The following ABCC4 variants were observed in gnomAD, a reference collection of about 807,000 sequenced individuals.
The protein encoded by ABCC4 is ATP-binding cassette sub-family C member 4.
In ABCC4, 102 loss-of-function variants were observed where a neutral mutation model predicts 168.5. The observed-to-expected ratio is 0.61, with a 90% CI of 0.52 to 0.71. The LOEUF (loss-of-function observed/expected upper bound fraction) is 0.71, where lower values mean the gene tolerates loss of function less well. Ranked by LOEUF, ABCC4 falls within the 30% of genes least tolerant of loss-of-function variation. The pLI is 0.00. For missense variants in ABCC4, 1,402 were observed against 1,605.8 expected (o/e 0.87, Z 2.17); for synonymous variants, 617 against 590.7 (o/e 1.04, Z -0.65).
intron 19 of ABCC4, among the ~76,000 whole-genome samples, chr13:95,131,128 G>T (rs2035943827): frequency 6.6e-6 from 1 of 152,030 alleles, no homozygotes; most frequent in African/African-American, 2.4e-5. Context: ...TTTACTACTT[G>T]AAAAAGACTT....
chr13:95,203,751 C>G (rs114764315), intron 8 of ABCC4, among the ~76,000 whole-genome samples: 289 of 152,174 alleles, frequency 1.9e-3, no homozygotes, highest in African/African-American at 6.5e-3. Context: ...GAGGGACACA[C>G]ATAACGAGGC....
chr13:95,054,021 CTTTT>C (rs55980425), intron 26 of ABCC4: 1 of 71,632 alleles, frequency 1.4e-5, no homozygotes, highest in African/African-American at 7.3e-5. Context: ...ATGGGACATC[CTTTT>C]TTTTTTTTTT....
In ABCC4 at chr13:95,164,455, C is replaced by T; in HGVS notation, c.2098G>A (p.Ala700Thr). ...CCAGCTCTGAAGTAATTCTTATAGG[C>T]CTGAAAACCAACTTTTCCTTCAGAA... The part of the protein sequence containing the change: ...NRSEGKVGFQ[A>T]YKNYFRAGAH... The change falls in exon 16 of 31, where the codon GCC becomes ACC. Residue 700 changes from alanine to threonine, a missense_variant. By Grantham distance (58) the Ala-to-Thr change is moderately conservative. Around this residue, in one of 3 missense-constraint regions of ABCC4, gnomAD observed 1,007 missense variants for 1,127.3 expected, o/e 0.89. Coordinates refer to ENST00000645237, the MANE Select transcript of ABCC4 (RefSeq NM_005845.5). 6.2e-7 allele frequency: 1 copy of T among 1,614,132 alleles called. No individual in the cohort carries two copies.
intron 1 of ABCC4, among the ~76,000 whole-genome samples, chr13:95,278,821 A>C (rs1280035522): frequency 2.0e-5 from 3 of 150,398 alleles, no homozygotes; most frequent in Admixed American, 1.3e-4. Flanking sequence ...AAAAAAAAAA[A>C]AAAAAAAAAA....
chr13:95,165,108 T>A (rs1225469232), intron 15 of ABCC4, among the ~76,000 whole-genome samples: 1 of 152,176 alleles, frequency 6.6e-6, no homozygotes, highest in Non-Finnish European at 1.5e-5. Flanking sequence ...CATCAGGATG[T>A]TCAGCACTTA....
At chr13:95,266,935 T>C (rs1287953400) in intron 1 of ABCC4, among the ~76,000 whole-genome samples, 1 of 143,638 alleles carries the variant, frequency 7.0e-6, no homozygotes, top group Non-Finnish European at 1.5e-5. Context: ...AATGGTGCCA[T>C]CTCAGCTCAC....
intron 1 of ABCC4, among the ~76,000 whole-genome samples, chr13:95,248,523 C>A (rs1356867349): frequency 6.6e-6 from 1 of 151,646 alleles, no homozygotes; most frequent in Non-Finnish European, 1.5e-5. Context: ...AAAGAAAAAT[C>A]AAAATGGTCA....
intron 8 of ABCC4, among the ~76,000 whole-genome samples, chr13:95,206,179 C>A (rs2038773848): frequency 6.6e-6 from 1 of 152,216 alleles, no homozygotes; most frequent in African/African-American, 2.4e-5. Flanking sequence ...TCATACTCAA[C>A]TCATACTCAC....
chr13:95,113,137 A>G (rs536193706), intron 20 of ABCC4, among the ~76,000 whole-genome samples: 1 of 152,300 alleles, frequency 6.6e-6, no homozygotes, highest in South Asian at 2.1e-4. Context: ...TTAAAAATGT[A>G]TCACAGAACT....
chr13:95,061,967 T>C (rs1406619654), intron 26 of ABCC4, among the ~76,000 whole-genome samples: 7 of 152,148 alleles, frequency 4.6e-5, no homozygotes, highest in Non-Finnish European at 7.4e-5. Context: ...AGAACACTCC[T>C]TGAGAGTCAC....
At position 95,234,824 on chromosome 13, in the gene ABCC4, T is replaced by G; in HGVS notation, c.317A>C (p.Lys106Thr). The part of the protein sequence containing the change: ...GIFTLIEESA[K>T]VIQPIFLGKI... ...TCCCAAAAATATGGGCTGGATTACT[T>G]TGGCACTTTCCTAAAAGAAGAAAAA... is the stretch of plus-strand genomic sequence containing the variant. The change falls in exon 4 of 31, where the codon AAA becomes ACA. Residue 106 changes from lysine to threonine, a missense_variant. Around this residue, in one of 3 missense-constraint regions of ABCC4, gnomAD observed 317 missense variants for 345.5 expected, o/e 0.92. Transcript: ENST00000645237. 6.4e-7 allele frequency: 1 copy of G among 1,552,022 alleles called. No individual in the cohort carries two copies. Among genetic ancestry groups the G allele is most frequent in the Non-Finnish European group, 8.7e-7 (1 of 1,147,002 alleles).
intron 13 of ABCC4, among the ~76,000 whole-genome samples, chr13:95,172,836 T>TTGAGCCCA (rs939224232): frequency 6.6e-6 from 1 of 151,936 alleles, no homozygotes; most frequent in African/African-American, 2.4e-5. Flanking sequence ...GGAGGATCAC[T>TTGAGCCCA]TGAGCCCAGG....
Position 95,074,312 on chromosome 13 carries a change from A to G in ABCC4, c.2819T>C (p.Leu940Ser). The change falls in exon 23 of 31, where the codon TTG becomes TCG. Residue 940 changes from leucine (L) to serine (S), a missense_variant. Physicochemically the swap from Leu to Ser is moderately radical, Grantham distance 145. This residue lies in a region of ABCC4 where 1,007 missense variants were observed against 1,127.3 expected (regional missense o/e 0.89). Coordinates refer to ENST00000645237, the MANE Select transcript of ABCC4 (RefSeq NM_005845.5). Reference sequence around the variant, plus strand: ...AAACCAGCGGGACGTTGTCAAAAACAAGAACCAAGCCTCTGAATTTGAGAA... The same window carrying G: ...AAACCAGCGGGACGTTGTCAAAAACGAGAACCAAGCCTCTGAATTTGAGAA... ...HQDLHSEAWF[L>S]FLTTSRWFAV... 1 of 1,612,648 alleles carries G rather than the reference A, an allele frequency of 6.2e-7. No individual in the cohort carries two copies. Among genetic ancestry groups the G allele is most frequent in the Non-Finnish European group, 8.5e-7 (1 of 1,179,308 alleles).
At chr13:95,187,698 T>C (rs547983316) in intron 10 of ABCC4, among the ~76,000 whole-genome samples, 8 of 152,330 alleles carry the variant, frequency 5.3e-5, no homozygotes, top group African/African-American at 1.7e-4. Flanking sequence ...TATTTTTAAA[T>C]ACCCAAGAAT....
At chr13:95,106,330 C>T (rs1460129250) in intron 20 of ABCC4, among the ~76,000 whole-genome samples, 1 of 150,714 alleles carries the variant, frequency 6.6e-6, no homozygotes, top group Non-Finnish European at 1.5e-5. Flanking sequence ...GGGGTATGTG[C>T]GTGTGTGTGC....
intron 4 of ABCC4, among the ~76,000 whole-genome samples, chr13:95,218,862 AAAG>A (rs1238264570): frequency 2.1e-5 from 3 of 145,938 alleles, no homozygotes; most frequent in Non-Finnish European, 4.5e-5. Context: ...AAAGAAAAAA[AAAG>A]AAAAGAAAAG....
chr13:95,164,317 A>T, intron 16 of ABCC4, 61 bp downstream of exon 16: 2 of 1,589,474 alleles, frequency 1.3e-6, no homozygotes, highest in Admixed American at 1.7e-5. Context: ...CAGTCATAAT[A>T]GCATAAACAT....
intron 1 of ABCC4, chr13:95,269,561 A>G (rs971010302): frequency 6.4e-6 from 1 of 156,010 alleles, no homozygotes; most frequent in Non-Finnish European, 1.4e-5. Context: ...GAATTGAGAC[A>G]GGACACAGAA....
chr13:95,234,841 G>A lies in ABCC4; in HGVS notation c.307-7C>T. 6.6e-7 allele frequency: 1 copy of A among 1,520,842 alleles called. No individual in the cohort carries two copies. Among genetic ancestry groups the A allele is most frequent in the Admixed American group, 2.2e-5 (1 of 45,904 alleles). 94.2% of individuals were successfully genotyped at this position (1,520,842 alleles called of 1,614,324 possible). A position where few individuals can be genotyped will look rare whatever the true frequency, so the allele number is the denominator to read the frequency against. The stretch of plus-strand genomic sequence containing the variant: ...GGATTACTTTGGCACTTTCCTAAAA[G>A]AAGAAAAAGAAAAGCCTTTAATTAG... On this transcript the variant is annotated splice_polypyrimidine_tract_variant and splice_region_variant and intron_variant, in intron 3 of 30. Transcript: ENST00000645237.
Sources: gnomAD v4.1 joint callset for allele counts (sites outside exome capture counted in the v4.1 genomes callset) on GRCh38, gnomAD v4.1.1 for gene constraint, gnomAD v4.1.1 regional missense constraint, MANE v1.5 for transcripts, NCBI Gene and HGNC (gene_info 2026-07-23, HGNC 2026-07-21) for gene names.